Variants in NLGN4X observed in about 807,000 individuals in gnomAD.
The protein encoded by NLGN4X is neuroligin-4, X-linked.
Under a neutral mutation model 40.3 loss-of-function variants are expected in NLGN4X, and 3 were observed. The ratio of observed to expected loss-of-function variants is 0.07; its 90% CI spans 0.03 to 0.19. The LOEUF (loss-of-function observed/expected upper bound fraction) is 0.19, where lower values mean the gene tolerates loss of function less well. Ranked by LOEUF, NLGN4X falls within the 10% of genes least tolerant of loss-of-function variation. The pLI, the probability that NLGN4X is intolerant of heterozygous loss-of-function variation, is 1.00. For missense variants in NLGN4X, 382 were observed against 708.3 expected, an observed-to-expected ratio of 0.54 and a Z score of 5.23; for synonymous variants, 270 against 306.8, an observed-to-expected ratio of 0.88 and a Z score of 1.25.
intron 1 of NLGN4X, among the ~76,000 whole-genome samples, chrX:6,215,277 A>G (rs746502751): frequency 9.0e-6 from 1 of 111,604 alleles, no homozygotes; most frequent in Admixed American, 9.6e-5. Context: ...ACGGCCGGGC[A>G]TGGTGGCTCA....
At chrX:6,164,758 A>G (rs2040466074) in intron 1 of NLGN4X, among the ~76,000 whole-genome samples, 2 of 111,549 alleles carry the variant, frequency 1.8e-5, no homozygotes, top group Admixed American at 1.9e-4. Context: ...CCATCTCACA[A>G]CCCTGGCTAG....
intron 3 of NLGN4X, among the ~76,000 whole-genome samples, chrX:5,940,443 G>A (rs1045118226): frequency 2.7e-5 from 3 of 110,713 alleles, no homozygotes; most frequent in Non-Finnish European, 3.8e-5. Context: ...TATAAGAAAC[G>A]AATTTTGCTG....
At chrX:5,919,432 G>A (rs1463429961) in intron 3 of NLGN4X, among the ~76,000 whole-genome samples, 1 of 111,771 alleles carries the variant, frequency 8.9e-6, no homozygotes, top group Non-Finnish European at 1.9e-5. Context: ...CATAAGGTAG[G>A]ATGTGAACAT....
chrX:6,222,130 G>C (rs1925768518), intron 1 of NLGN4X, among the ~76,000 whole-genome samples: 1 of 111,220 alleles, frequency 9.0e-6, no homozygotes, highest in African/African-American at 3.3e-5. Context: ...TTTCACTCCT[G>C]AAAAAGGTGC....
chrX:6,092,183 A>C (rs914916724), intron 2 of NLGN4X, among the ~76,000 whole-genome samples: 7 of 111,797 alleles, frequency 6.3e-5, no homozygotes, highest in Non-Finnish European at 1.3e-4. Flanking sequence ...GGCACAAGGA[A>C]GTAAGAGAAA....
chrX:6,100,956 G>T (rs1303296998), intron 2 of NLGN4X, among the ~76,000 whole-genome samples: 1 of 111,145 alleles, frequency 9.0e-6, no homozygotes, highest in Non-Finnish European at 1.9e-5. Flanking sequence ...ACTTGAGGCA[G>T]ACTAGAGATC....
intron 3 of NLGN4X, among the ~76,000 whole-genome samples, chrX:6,012,632 ATAAT>A (rs2036284905): frequency 8.9e-6 from 1 of 111,938 alleles, no homozygotes. Context: ...CTTTGCAGAT[ATAAT>A]TAGTTAAGGA....
chrX:6,079,100 C>CT (rs35491270), intron 2 of NLGN4X, among the ~76,000 whole-genome samples: 52,195 of 110,297 alleles, frequency 0.47, 9,031 homozygotes, highest in Admixed American at 0.51. Flanking sequence ...AATTAAACCT[C>CT]TTCCTTTATA....
intron 3 of NLGN4X, among the ~76,000 whole-genome samples, chrX:5,920,274 C>A (rs1228078252): frequency 8.9e-6 from 1 of 111,990 alleles, no homozygotes; most frequent in African/African-American, 3.2e-5. Context: ...GAACGTTATT[C>A]CAGTAGTAGG....
chrX:6,165,233 A>G, intron 1 of NLGN4X, among the ~76,000 whole-genome samples: 1 of 112,080 alleles, frequency 8.9e-6, no homozygotes, highest in African/African-American at 3.2e-5. Context: ...AAGATCCAGC[A>G]TATAGACAAC....
At position 6,219,137 on chromosome X, in the gene NLGN4X, G is replaced by A. The variant is rs1370165025; in HGVS notation, c.-306+9404C>T. 6.8e-5 allele frequency among the ~76,000 whole-genome samples: 6 copies of A among 88,640 alleles called. No homozygotes were observed. The East Asian group carries it at 1.6e-3, about 24-fold the overall frequency. The allele number at this position is 88,640 out of a possible 115,157, so 77.0% of individuals were successfully genotyped here. On this transcript the variant is annotated intron_variant, in intron 1 of 5. Coordinates refer to ENST00000381095, the MANE Select transcript of NLGN4X (RefSeq NM_181332.3). ...ATTTTATATGTATATACATATATAC[G>A]TATATATATGTATGTGTGTGTGTGT...
chrX:5,941,180 GGTGTGTGT>G (rs3220455), intron 3 of NLGN4X, among the ~76,000 whole-genome samples: 6,407 of 58,537 alleles, frequency 0.11, 515 homozygotes, highest in East Asian at 0.25. Context: ...TATGCTAGGG[GGTGTGTGT>G]GTGTGTGTGT....
Position 6,071,581 on chromosome X carries a change from T to A in NLGN4X, c.473-42149A>T, listed in dbSNP as rs144938106. 8.1e-5 allele frequency among the ~76,000 whole-genome samples: 9 copies of A among 111,427 alleles called. No individual in the cohort carries two copies. The East Asian group carries it at 2.6e-3, about 32-fold the overall frequency. On this transcript the variant is annotated intron_variant, in intron 2 of 5. Transcript: ENST00000381095. ...GCTTCAGAAGCCCTAATCAGATGGA[T>A]CCCCTCATGGTCCCGGAGAAATCCA...
At chrX:6,198,644 G>A (rs942340111) in intron 1 of NLGN4X, among the ~76,000 whole-genome samples, 3 of 111,627 alleles carry the variant, frequency 2.7e-5, no homozygotes, top group Non-Finnish European at 5.6e-5. Context: ...AGACAGTGTC[G>A]TGCTCAGAAG....
intron 5 of NLGN4X, among the ~76,000 whole-genome samples, chrX:5,895,823 G>C (rs1402516647): frequency 9.0e-6 from 1 of 111,267 alleles, no homozygotes; most frequent in Non-Finnish European, 1.9e-5. Context: ...AAAGTCTTCT[G>C]CTTTTTTTAT....
At chrX:6,188,744 A>G (rs970130757) in intron 1 of NLGN4X, among the ~76,000 whole-genome samples, 1 of 111,858 alleles carries the variant, frequency 8.9e-6, no homozygotes, top group Non-Finnish European at 1.9e-5. Flanking sequence ...CTTAAAAATT[A>G]TGTTTTCAGG....
intron 3 of NLGN4X, among the ~76,000 whole-genome samples, chrX:6,004,346 T>A (rs958572761): frequency 8.9e-6 from 1 of 112,275 alleles, no homozygotes; most frequent in Non-Finnish European, 1.9e-5. Flanking sequence ...TGTGATCCCA[T>A]GTTCTGTCAT....
intron 3 of NLGN4X, among the ~76,000 whole-genome samples, chrX:5,957,922 A>T (rs374960497): frequency 8.9e-6 from 1 of 112,614 alleles, no homozygotes; most frequent in Non-Finnish European, 1.9e-5. Context: ...TGTGTAGGAA[A>T]GTGAAGCATT....
At chrX:6,144,710 C>A (rs1418459199) in intron 2 of NLGN4X, among the ~76,000 whole-genome samples, 1 of 111,739 alleles carries the variant, frequency 8.9e-6, no homozygotes, top group African/African-American at 3.3e-5. Flanking sequence ...TCTTCTGCAT[C>A]CACAGTGGAG....
Sources: gnomAD v4.1 joint callset for allele counts (sites outside exome capture counted in the v4.1 genomes callset) on GRCh38, gnomAD v4.1.1 for gene constraint, MANE v1.5 for transcripts, NCBI Gene and HGNC (gene_info 2026-07-23, HGNC 2026-07-21) for gene names.